ST8SIA6: variants seen among roughly 807,000 people sequenced by gnomAD.
The protein encoded by ST8SIA6 is alpha-2,8-sialyltransferase 8F.
Under a neutral mutation model 33.6 loss-of-function variants are expected in ST8SIA6, and 39 were observed. The ratio of observed to expected loss-of-function variants is 1.16; its 90% CI spans 0.90 to 1.52. ST8SIA6 has a LOEUF of 1.52. Among genes scored for constraint, ST8SIA6 ranks in the 40% most tolerant of loss-of-function variants. The probability of loss-of-function intolerance (pLI) is 0.00; values close to 1 mark genes in which losing one functional copy is unlikely to be tolerated. For synonymous variants in ST8SIA6, 172 were observed against 167.2 expected (o/e 1.03, Z -0.22); for missense variants, 441 against 443.8 (o/e 0.99, Z 0.06).
rs1025143587 is a variant in ST8SIA6, at chr10:17,320,112, C to A, written c.*766G>T. 1.3e-5 allele frequency: 2 copies of A among 152,044 alleles called. No individual in the cohort carries two copies. The highest frequency in any genetic ancestry group is 4.8e-5 in the African/African-American group (2 of 41,408). The allele number at this position is 152,044 out of a possible 1,614,324, so 9.4% of individuals were successfully genotyped here. A position where few individuals can be genotyped will look rare whatever the true frequency, so the allele number is the denominator to read the frequency against. On this transcript the variant is annotated 3_prime_UTR_variant, in exon 8 of 8. Transcript: ENST00000377602. Reference sequence around the variant, plus strand: ...TTTTAAAATAAAATTGAGTGAGTGACCCCACAGGCAAGACAACAGGTAAGA... The same window carrying A: ...TTTTAAAATAAAATTGAGTGAGTGAACCCACAGGCAAGACAACAGGTAAGA...
At chr10:17,432,343 A>C (rs2131722970) in intron 2 of ST8SIA6, among the ~76,000 whole-genome samples, 1 of 152,292 alleles carries the variant, frequency 6.6e-6, no homozygotes, top group East Asian at 1.9e-4. Flanking sequence ...TTTTGAGAAT[A>C]GATTCTGGAA....
In ST8SIA6 at chr10:17,320,978, T is replaced by G; in HGVS notation, c.1097A>C (p.Lys366Thr). The change falls in exon 8 of 8, where the codon AAA (lysine) becomes ACA (threonine). Residue 366 changes from lysine (K) to threonine (T), a missense_variant. Coordinates refer to ENST00000377602, the MANE Select transcript of ST8SIA6 (RefSeq NM_001004470.3). ...TTTGGGCATCTGATGGAAACCATGT[T>G]TAGGTAGCTTGTTGTCATAATAGTG... ...SHHYYDNKLP[K>T]HGFHQMPKEY... The G allele has an allele frequency of 6.2e-7, 1 of 1,614,112 alleles. No individual in the cohort carries two copies. Among genetic ancestry groups the G allele is most frequent in the South Asian group, 1.1e-5 (1 of 91,086 alleles).
intron 3 of ST8SIA6, among the ~76,000 whole-genome samples, chr10:17,390,177 T>C (rs359320): frequency 0.43 from 65,989 of 151,714 alleles, 15,244 homozygotes; most frequent in East Asian, 0.61. Flanking sequence ...AGATGAGGGT[T>C]TTGCTATGTT....
intron 4 of ST8SIA6, among the ~76,000 whole-genome samples, chr10:17,354,289 A>C (rs1849125387): frequency 6.6e-6 from 1 of 152,186 alleles, no homozygotes; most frequent in Non-Finnish European, 1.5e-5. Flanking sequence ...CGCTCAAGCA[A>C]ATGATTATCC....
intron 3 of ST8SIA6, among the ~76,000 whole-genome samples, chr10:17,364,769 C>G (rs1588843537): frequency 6.6e-6 from 1 of 152,196 alleles, no homozygotes; most frequent in Non-Finnish European, 1.5e-5. Flanking sequence ...TCTGCAACAG[C>G]TTCCTGTTAA....
intron 3 of ST8SIA6, among the ~76,000 whole-genome samples, chr10:17,375,505 G>A (rs932315729): frequency 6.6e-6 from 1 of 152,172 alleles, no homozygotes; most frequent in African/African-American, 2.4e-5. Flanking sequence ...GGTGCCTCCC[G>A]AGTAGCAACT....
At chr10:17,387,530 G>A (rs538677082) in intron 3 of ST8SIA6, among the ~76,000 whole-genome samples, 526 of 151,572 alleles carry the variant, frequency 3.5e-3, no homozygotes, top group Non-Finnish European at 4.8e-3. Flanking sequence ...GCCTCCCAAA[G>A]TGCTAGGATT....
intron 2 of ST8SIA6, among the ~76,000 whole-genome samples, chr10:17,419,509 A>G (rs1851712127): frequency 6.6e-6 from 1 of 152,044 alleles, no homozygotes; most frequent in Non-Finnish European, 1.5e-5. Context: ...CAGCCTGGGC[A>G]ACAGGGCAAG....
intron 4 of ST8SIA6, among the ~76,000 whole-genome samples, chr10:17,333,709 A>ATTT (rs1848397864): frequency 3.8e-5 from 1 of 26,084 alleles, no homozygotes; most frequent in African/African-American, 2.4e-4. Context: ...ATATATATAT[A>ATTT]TATATATATT....
At chr10:17,453,470 T>C (rs1426812456) in intron 2 of ST8SIA6, 89 bp downstream of exon 2, 6 of 1,036,640 alleles carry the variant, frequency 5.8e-6, no homozygotes, top group Non-Finnish European at 7.5e-6. Context: ...GCCTGCCTAC[T>C]CCCAACGAGT....
intron 2 of ST8SIA6, among the ~76,000 whole-genome samples, chr10:17,404,743 C>G (rs1250252361): frequency 6.6e-6 from 1 of 152,134 alleles, no homozygotes; most frequent in Non-Finnish European, 1.5e-5. Flanking sequence ...CCCACCTTTC[C>G]TTGTATTCGA....
chr10:17,444,972 T>G (rs906521378), intron 2 of ST8SIA6, among the ~76,000 whole-genome samples: 8 of 152,348 alleles, frequency 5.3e-5, no homozygotes, highest in Admixed American at 4.6e-4. Context: ...GAACACATAT[T>G]CGTATCATTA....
intron 3 of ST8SIA6, among the ~76,000 whole-genome samples, chr10:17,373,302 T>C (rs1308171877): frequency 1.3e-5 from 2 of 152,184 alleles, no homozygotes; most frequent in East Asian, 3.8e-4. Flanking sequence ...AAATTCCACC[T>C]CATTTAAATC....
rs554168738 is a variant in ST8SIA6 at position 17,355,127 on chromosome 10, A to G, written c.377+4387T>C. On this transcript the variant is annotated intron_variant, in intron 4 of 7. Transcript: ENST00000377602. ...AGAAGCCCTATCTCTTACAAAAGCC[A>G]GATTTAAACTGCAGTTGCTTTTCTT... 4.6e-5 allele frequency among the ~76,000 whole-genome samples: 7 copies of G among 152,328 alleles called. No homozygotes were observed. The South Asian group carries it at 1.4e-3, about 32-fold the overall frequency.
intron 4 of ST8SIA6, among the ~76,000 whole-genome samples, chr10:17,351,103 C>T (rs1051157090): frequency 6.6e-6 from 1 of 152,076 alleles, no homozygotes; most frequent in Non-Finnish European, 1.5e-5. Flanking sequence ...TCCCTGCCCC[C>T]ACCCCAGCAT....
intron 3 of ST8SIA6, among the ~76,000 whole-genome samples, chr10:17,360,712 A>T (rs1273124416): frequency 6.6e-6 from 1 of 152,078 alleles, no homozygotes; most frequent in Non-Finnish European, 1.5e-5. Flanking sequence ...TTAAAATGTT[A>T]TCATAAAAAT....
At chr10:17,384,909 A>G (rs1275503586) in intron 3 of ST8SIA6, among the ~76,000 whole-genome samples, 1 of 151,974 alleles carries the variant, frequency 6.6e-6, no homozygotes, top group Admixed American at 6.6e-5. Context: ...AGACTTCACA[A>G]CCTGCTAAAA....
Position 17,385,444 on chromosome 10 carries a change from G to T in ST8SIA6, c.290+5087C>A, listed in dbSNP as rs560263172. Among the ~76,000 whole-genome samples, 9 of 152,154 alleles carry T rather than the reference G, an allele frequency of 5.9e-5. No individual in the cohort carries two copies. The South Asian group carries it at 6.2e-4, about 11-fold the overall frequency. On this transcript the variant is annotated intron_variant, in intron 3 of 7. Coordinates refer to ENST00000377602, the MANE Select transcript of ST8SIA6 (RefSeq NM_001004470.3). ...GTGTGAGCAATAAAGCTTTTTAATC[G>T]CCTGGGTGCAGGCGGAGTGAGTCGG...
At chr10:17,411,431 C>T (rs1181376558) in intron 2 of ST8SIA6, among the ~76,000 whole-genome samples, 1 of 152,162 alleles carries the variant, frequency 6.6e-6, no homozygotes, top group East Asian at 1.9e-4. Context: ...GATCTTCCCA[C>T]CTGGGCCTCC....
Sources: gnomAD v4.1 joint callset for allele counts (sites outside exome capture counted in the v4.1 genomes callset) on GRCh38, gnomAD v4.1.1 for gene constraint, MANE v1.5 for transcripts, NCBI Gene and HGNC (gene_info 2026-07-23, HGNC 2026-07-21) for gene names.